Variants in KCNH8 observed in about 807,000 individuals in gnomAD.
KCNH8 encodes the protein voltage-gated delayed rectifier potassium channel KCNH8.
A neutral mutation model predicts 103.6 loss-of-function variants in KCNH8; 70 were observed. That is an observed-to-expected ratio of 0.68 (90% CI 0.56 to 0.82). KCNH8 has a LOEUF of 0.82. Among genes scored for constraint, KCNH8 ranks in the 40% least tolerant of loss-of-function variants. The pLI, the probability that KCNH8 is intolerant of heterozygous loss-of-function variation, is 0.00. For missense variants in KCNH8, 1,217 were observed against 1,329.9 expected, an observed-to-expected ratio of 0.92 and a Z score of 1.32; for synonymous variants, 498 against 489.4, an observed-to-expected ratio of 1.02 and a Z score of -0.23.
intron 11 of KCNH8, among the ~76,000 whole-genome samples, chr3:19,508,145 TA>T (rs1316302034): frequency 6.6e-6 from 1 of 152,200 alleles, no homozygotes; most frequent in African/African-American, 2.4e-5. Flanking sequence ...TTCATTTTGC[TA>T]GTATTTTGTT....
intron 5 of KCNH8, among the ~76,000 whole-genome samples, chr3:19,374,067 C>G (rs906190129): frequency 1.3e-4 from 20 of 151,744 alleles, no homozygotes; most frequent in South Asian, 6.3e-4. Context: ...GTGTGGTGCT[C>G]AAAAAAATGT....
intron 2 of KCNH8, among the ~76,000 whole-genome samples, chr3:19,278,493 TGAG>T (rs202072671): frequency 0.014 from 835 of 60,586 alleles, 7 homozygotes; most frequent in African/African-American, 0.02. Context: ...AGGAGGGAAA[TGAG>T]GAAGGGAGGG....
chr3:19,457,028 C>T, intron 11 of KCNH8, 46 bp downstream of exon 11: 1 of 1,333,628 alleles, frequency 7.5e-7, no homozygotes, highest in African/African-American at 1.5e-5. Flanking sequence ...AACATTGGGC[C>T]TGGAGATCAT....
At chr3:19,454,228 T>G (rs1307748232) in intron 10 of KCNH8, among the ~76,000 whole-genome samples, 1 of 151,290 alleles carries the variant, frequency 6.6e-6, no homozygotes, top group Non-Finnish European at 1.5e-5. Context: ...TTTAACACTC[T>G]TCCTGGCCTC....
chr3:19,396,801 C>T (rs2066525502), intron 7 of KCNH8, among the ~76,000 whole-genome samples: 1 of 152,004 alleles, frequency 6.6e-6, no homozygotes, highest in Non-Finnish European at 1.5e-5. Flanking sequence ...CATCATATGT[C>T]ATCATCCTAA....
At chr3:19,503,907 AC>A (rs1318825129) in intron 11 of KCNH8, among the ~76,000 whole-genome samples, 1 of 152,016 alleles carries the variant, frequency 6.6e-6, no homozygotes, top group African/African-American at 2.4e-5. Context: ...GTGCACAGGT[AC>A]CCTAAAACTT....
intron 1 of KCNH8, 120 bp downstream of exon 1, chr3:19,148,915 C>T: frequency 1.1e-6 from 1 of 895,406 alleles, no homozygotes. Context: ...TCTGTTCTTG[C>T]CAAGGTATCT....
At chr3:19,500,670 C>A (rs1356993546) in intron 11 of KCNH8, among the ~76,000 whole-genome samples, 2 of 152,148 alleles carry the variant, frequency 1.3e-5, no homozygotes, top group African/African-American at 4.8e-5. Context: ...CAACCTGCTC[C>A]TCAATGACTA....
At chr3:19,200,241 A>G (rs1363698263) in intron 1 of KCNH8, among the ~76,000 whole-genome samples, 1 of 152,060 alleles carries the variant, frequency 6.6e-6, no homozygotes, top group Non-Finnish European at 1.5e-5. Flanking sequence ...GACATAAAAG[A>G]TGATCTTGAG....
At chr3:19,149,508 GA>G (rs942023952) in intron 1 of KCNH8, among the ~76,000 whole-genome samples, 8 of 151,346 alleles carry the variant, frequency 5.3e-5, no homozygotes, top group Admixed American at 2.0e-4. Context: ...GCTACAGTAG[GA>G]AAAAAAATAG....
At chr3:19,424,618 C>T (rs2066999903) in intron 7 of KCNH8, among the ~76,000 whole-genome samples, 1 of 151,876 alleles carries the variant, frequency 6.6e-6, no homozygotes, top group South Asian at 2.1e-4. Context: ...GATTAGACCT[C>T]ATTAAACTAA....
At chr3:19,208,371 T>C (rs971347496) in intron 1 of KCNH8, among the ~76,000 whole-genome samples, 2 of 152,064 alleles carry the variant, frequency 1.3e-5, no homozygotes, top group Non-Finnish European at 2.9e-5. Flanking sequence ...ATAAAATATA[T>C]GTAATCTGTT....
intron 7 of KCNH8, among the ~76,000 whole-genome samples, chr3:19,415,277 T>C (rs1044105746): frequency 9.2e-5 from 14 of 152,102 alleles, no homozygotes; most frequent in Non-Finnish European, 1.9e-4. Context: ...ACTATTATTA[T>C]TCCCATTTAC....
chr3:19,169,604 A>G (rs374797568), intron 1 of KCNH8, among the ~76,000 whole-genome samples: 5 of 152,324 alleles, frequency 3.3e-5, no homozygotes, highest in South Asian at 4.1e-4. Context: ...AAGAGTATGC[A>G]TAACTGGTTT....
chr3:19,260,236 G>A (rs1426060560), intron 2 of KCNH8, among the ~76,000 whole-genome samples: 2 of 151,082 alleles, frequency 1.3e-5, no homozygotes, highest in South Asian at 2.1e-4. Context: ...ATAATCTTGT[G>A]TACCATTAGA....
chr3:19,374,693 C>T (rs1385383980), intron 5 of KCNH8, among the ~76,000 whole-genome samples: 1 of 151,758 alleles, frequency 6.6e-6, no homozygotes, highest in East Asian at 1.9e-4. Context: ...CAGTTTCTTC[C>T]TAGTCTCGAT....
intron 4 of KCNH8, among the ~76,000 whole-genome samples, chr3:19,347,074 C>T (rs2065739027): frequency 1.3e-5 from 2 of 152,090 alleles, no homozygotes; most frequent in African/African-American, 2.4e-5. Flanking sequence ...CTGTTTCTTA[C>T]TTTACCATCT....
chr3:19,342,637 A>C lies in KCNH8; in HGVS notation c.493A>C (p.Arg165=). 1 of 1,611,248 alleles carries C rather than the reference A, an allele frequency of 6.2e-7. No individual in the cohort carries two copies. Among genetic ancestry groups the C allele is most frequent in the Non-Finnish European group, 8.5e-7 (1 of 1,178,006 alleles). ...RAGTHFDSAR[R]RSRAVLYHIS... ...AGGGACCCACTTTGACTCAGCCCGG[A>C]GACGGAGTCGAGCAGTCCTTTATCA... The change falls in exon 4 of 16, where the codon AGA becomes CGA. Residue 165 remains arginine (R), a synonymous_variant. Transcript: ENST00000328405.
At chr3:19,164,751 A>G (rs2063266229) in intron 1 of KCNH8, among the ~76,000 whole-genome samples, 1 of 152,244 alleles carries the variant, frequency 6.6e-6, no homozygotes. Context: ...AAAGTCGCCA[A>G]CTGGCAATGT....
Sources: allele counts gnomAD v4.1 joint callset (sites outside exome capture counted in the v4.1 genomes callset), GRCh38; gene constraint gnomAD v4.1.1; transcripts MANE v1.5; gene names NCBI Gene and HGNC (gene_info 2026-07-23, HGNC 2026-07-21).